The following DPP6 variants were observed in gnomAD, a reference collection of about 807,000 sequenced individuals.
DPP6 encodes the protein dipeptidyl peptidase like 6.
A neutral mutation model predicts 122.6 loss-of-function variants in DPP6; 69 were observed. That is an observed-to-expected ratio of 0.56 (90% CI 0.46 to 0.69). DPP6 has a LOEUF of 0.69. DPP6 is among the 30% of genes least tolerant of loss of function. The pLI, the probability that DPP6 is intolerant of heterozygous loss-of-function variation, is 0.00. For synonymous variants in DPP6, 418 were observed against 433.1 expected (o/e 0.97, Z 0.43); for missense variants, 928 against 1,116.9 (o/e 0.83, Z 2.41).
intron 23 of DPP6, 31 bp from the exon 24 acceptor site, chr7:154,889,240 CT>C: frequency 1.2e-6 from 2 of 1,608,530 alleles, no homozygotes; most frequent in Non-Finnish European, 1.7e-6. Context: ...GTGCAGCCCC[CT>C]AACTCTGTCC....
intron 1 of DPP6, among the ~76,000 whole-genome samples, chr7:154,144,236 T>G (rs539497787): frequency 6.6e-6 from 1 of 152,086 alleles, no homozygotes; most frequent in Non-Finnish European, 1.5e-5. Context: ...CCTAATGCTT[T>G]GCAAGTTAAT....
intron 1 of DPP6, among the ~76,000 whole-genome samples, chr7:154,386,605 G>C (rs2151155550): frequency 6.6e-6 from 1 of 152,236 alleles, no homozygotes; most frequent in South Asian, 2.1e-4. Flanking sequence ...ATGAAGACCA[G>C]TCCACCAGGA....
chr7:154,737,555 G>A (rs1382962445), intron 8 of DPP6, among the ~76,000 whole-genome samples: 2 of 152,084 alleles, frequency 1.3e-5, no homozygotes, highest in African/African-American at 4.8e-5. Flanking sequence ...GGAATTTTTA[G>A]ACACAGAGGG....
At chr7:154,177,440 G>A (rs1797860439) in intron 1 of DPP6, among the ~76,000 whole-genome samples, 1 of 152,166 alleles carries the variant, frequency 6.6e-6, no homozygotes, top group African/African-American at 2.4e-5. Flanking sequence ...TTAAAATATG[G>A]GAGTCATAAT....
At chr7:153,839,293 G>A in the DPP6 span, among the ~76,000 whole-genome samples, 3 of 152,186 alleles carry the variant, frequency 2.0e-5, no homozygotes, top group African/African-American at 7.2e-5. Flanking sequence ...TTAATTTGGT[G>A]GGTTAAAATC....
chr7:154,656,880 A>G (rs13311064), intron 6 of DPP6, among the ~76,000 whole-genome samples: 25,439 of 36,216 alleles, frequency 0.7, 9,554 homozygotes, highest in Non-Finnish European at 0.83. Flanking sequence ...TGGGTGGAGA[A>G]GCTGCGTGGG....
At chr7:154,190,689 C>G (rs186214822) in intron 1 of DPP6, among the ~76,000 whole-genome samples, 1 of 152,016 alleles carries the variant, frequency 6.6e-6, no homozygotes, top group East Asian at 1.9e-4. Flanking sequence ...TCTTTCTGAG[C>G]TAGGAGGAGA....
intron 2 of DPP6, among the ~76,000 whole-genome samples, chr7:154,446,558 A>G (rs1819889293): frequency 2.6e-5 from 4 of 152,192 alleles, no homozygotes; most frequent in Admixed American, 2.6e-4. Flanking sequence ...CATATATTAA[A>G]ATTACTTATA....
intron 1 of DPP6, among the ~76,000 whole-genome samples, chr7:154,166,925 G>C (rs1797281575): frequency 6.8e-6 from 1 of 146,190 alleles, no homozygotes; most frequent in Admixed American, 6.7e-5. Flanking sequence ...AAATAAAAAG[G>C]CAGAGGTTGC....
At position 154,604,355 on chromosome 7, in the gene DPP6, C is replaced by T. The variant is rs116086425; in HGVS notation, c.628-33466C>T. On this transcript the variant is annotated intron_variant, in intron 5 of 25. Transcript: ENST00000377770. ...GACAAATCTTTGCACCTGATATGGTCAGTCCCTTCTAATTCTCTTCTTTAA... is the reference window on the plus strand; with the variant it reads ...GACAAATCTTTGCACCTGATATGGTTAGTCCCTTCTAATTCTCTTCTTTAA... Among the ~76,000 whole-genome samples, 389 of 120,692 alleles carry T rather than the reference C, an allele frequency of 3.2e-3. 72 individuals carry two copies. Among genetic ancestry groups the T allele is most frequent in the African/African-American group, 9.9e-3 (378 of 38,086 alleles). 79.2% of individuals were successfully genotyped at this position (120,692 alleles called of 152,430 possible).
Position 154,239,992 on chromosome 7 carries a change from TAAAAAAAAAAAAAAAAAAAAAA to T in DPP6, c.243+186954_243+186975del, listed in dbSNP as rs763543397. Among the ~76,000 whole-genome samples the T allele has an allele frequency of 7.7e-3, 386 of 50,428 alleles. 17 individuals are homozygous for T. Among genetic ancestry groups the T allele is most frequent in the East Asian group, 0.041 (38 of 924 alleles). 33.1% of individuals were successfully genotyped at this position (50,428 alleles called of 152,430 possible). On this transcript the variant is annotated intron_variant, in intron 1 of 25. Coordinates refer to ENST00000377770, the MANE Select transcript of DPP6 (RefSeq NM_130797.4). ...GGGAGACAGAGTAAGATGCTGTCTT[TAAAAAAAAAAAAAAAAAAAAAA>T]AAAAAAAAAAAAAAAAAAAAAAAAG...
chr7:154,193,339 C>T (rs1176080689), intron 1 of DPP6, among the ~76,000 whole-genome samples: 3 of 152,220 alleles, frequency 2.0e-5, no homozygotes, highest in East Asian at 1.9e-4. Context: ...TCACACCCTT[C>T]TCTAGATATC....
intron 1 of DPP6, among the ~76,000 whole-genome samples, chr7:154,437,209 G>A (rs542865313): frequency 2.6e-5 from 4 of 152,328 alleles, no homozygotes; most frequent in African/African-American, 9.6e-5. Context: ...GATGCTATTT[G>A]TTTTTCCATT....
At chr7:154,600,052 T>A (rs770794664) in intron 5 of DPP6, among the ~76,000 whole-genome samples, 1 of 152,208 alleles carries the variant, frequency 6.6e-6, no homozygotes, top group Non-Finnish European at 1.5e-5. Flanking sequence ...GCTATCCTCC[T>A]GCTCCTGGCT....
At chr7:153,848,271 C>G in the DPP6 span, among the ~76,000 whole-genome samples, 1 of 150,846 alleles carries the variant, frequency 6.6e-6, no homozygotes, top group African/African-American at 2.4e-5. Context: ...CTACCCCCAC[C>G]CCAGTCCTCA....
chr7:153,932,255 G>T (rs1182553181), intron 1 of DPP6, among the ~76,000 whole-genome samples: 3 of 151,660 alleles, frequency 2.0e-5, no homozygotes, highest in Admixed American at 6.6e-5. Context: ...TGTGTAGCTG[G>T]GATTATAGGC....
the DPP6 span, among the ~76,000 whole-genome samples, chr7:153,787,888 A>G: frequency 6.7e-6 from 1 of 148,926 alleles, no homozygotes; most frequent in African/African-American, 2.5e-5. Context: ...ATCTTAACTG[A>G]AAGGGTATTT....
the DPP6 span, among the ~76,000 whole-genome samples, chr7:153,871,220 T>C: frequency 6.6e-6 from 1 of 152,212 alleles, no homozygotes; most frequent in African/African-American, 2.4e-5. Flanking sequence ...TACTGTTGCC[T>C]TTTGTTTGTC....
At chr7:153,936,305 C>T (rs1415426243) in intron 1 of DPP6, among the ~76,000 whole-genome samples, 1 of 152,108 alleles carries the variant, frequency 6.6e-6, no homozygotes, top group East Asian at 1.9e-4. Flanking sequence ...CAGATGATCC[C>T]TGTCAGGAGC....
Sources: allele counts gnomAD v4.1 joint callset (sites outside exome capture counted in the v4.1 genomes callset), GRCh38; gene constraint gnomAD v4.1.1; transcripts MANE v1.5; gene names NCBI Gene and HGNC (gene_info 2026-07-23, HGNC 2026-07-21).